TFEC: variants seen among roughly 807,000 people sequenced by gnomAD.
TFEC encodes class E basic helix-loop-helix protein 34.
A neutral mutation model predicts 41.6 loss-of-function variants in TFEC; 31 were observed. That is an observed-to-expected ratio of 0.74 (90% CI 0.56 to 1.01). The LOEUF (loss-of-function observed/expected upper bound fraction) is 1.01. TFEC is among the 50% of genes least tolerant of loss of function. The pLI is 0.00. For missense variants in TFEC, 402 were observed against 404.1 expected, an observed-to-expected ratio of 0.99 and a Z score of 0.04; for synonymous variants, 143 against 140.6, an observed-to-expected ratio of 1.02 and a Z score of -0.12.
chr7:115,996,713 G>A (rs1250307522), intron 1 of TFEC, among the ~76,000 whole-genome samples: 1 of 152,008 alleles, frequency 6.6e-6, no homozygotes, highest in Non-Finnish European at 1.5e-5. Flanking sequence ...GCACTAAAGG[G>A]AGAGTCCTGG....
intron 3 of TFEC, among the ~76,000 whole-genome samples, chr7:115,960,718 G>A (rs893825514): frequency 2.6e-5 from 4 of 151,488 alleles, no homozygotes; most frequent in East Asian, 1.9e-4. Flanking sequence ...GACTCCCTAG[G>A]TAAAGGATTG....
At chr7:116,113,104 T>C (rs1185059899) in intron 1 of TFEC, among the ~76,000 whole-genome samples, 1 of 151,970 alleles carries the variant, frequency 6.6e-6, no homozygotes, top group Non-Finnish European at 1.5e-5. Context: ...AATGTGTGCT[T>C]CCTCTTACTT....
intron 2 of TFEC, among the ~76,000 whole-genome samples, chr7:115,974,550 C>T (rs894596910): frequency 6.0e-5 from 9 of 148,810 alleles, no homozygotes; most frequent in Admixed American, 2.7e-4. Context: ...CAGGTGACAA[C>T]TTGACAAATC....
intron 3 of TFEC, among the ~76,000 whole-genome samples, chr7:115,973,875 G>A (rs1793247314): frequency 6.6e-6 from 1 of 151,918 alleles, no homozygotes; most frequent in East Asian, 1.9e-4. Flanking sequence ...GCTTAAAATA[G>A]AAAATCTAAA....
chr7:115,946,898 G>C (rs1029700755), intron 6 of TFEC, among the ~76,000 whole-genome samples: 1 of 151,082 alleles, frequency 6.6e-6, no homozygotes, highest in Non-Finnish European at 1.5e-5. Context: ...AGTATTTGGA[G>C]AAAAAAGTTC....
chr7:116,098,822 A>G (rs934670292), intron 3 of TFEC, among the ~76,000 whole-genome samples: 1 of 151,814 alleles, frequency 6.6e-6, no homozygotes, highest in African/African-American at 2.4e-5. Context: ...AAACCAGACA[A>G]AAACAAAAGC....
intron 1 of TFEC, among the ~76,000 whole-genome samples, chr7:116,148,064 A>G (rs945834394): frequency 8.5e-5 from 13 of 152,222 alleles, no homozygotes; most frequent in Admixed American, 7.9e-4. Context: ...AAGAGGATTC[A>G]TAAAGAAGGC....
chr7:116,116,893 A>C (rs1413142001), intron 1 of TFEC, among the ~76,000 whole-genome samples: 2 of 151,876 alleles, frequency 1.3e-5, no homozygotes, highest in Non-Finnish European at 2.9e-5. Context: ...TGGGAAAATC[A>C]CTCAATTTTA....
intron 1 of TFEC, among the ~76,000 whole-genome samples, chr7:115,995,240 A>G (rs1018305174): frequency 2.0e-5 from 3 of 151,698 alleles, no homozygotes; most frequent in Admixed American, 6.6e-5. Flanking sequence ...GATATACCTA[A>G]TGTAAATGAT....
chr7:116,063,057 T>C (rs1796606807), intron 3 of TFEC, among the ~76,000 whole-genome samples: 1 of 152,216 alleles, frequency 6.6e-6, no homozygotes, highest in Non-Finnish European at 1.5e-5. Flanking sequence ...TGCCCATCAG[T>C]AGATTTATCA....
At chr7:116,101,067 T>C (rs17138279) in intron 3 of TFEC, among the ~76,000 whole-genome samples, 1,605 of 152,200 alleles carry the variant, frequency 0.011, 25 homozygotes, top group African/African-American at 0.034. Context: ...CTCCAATTTA[T>C]TGAAACAAAG....
At chr7:116,135,827 G>A (rs1332489317) in intron 1 of TFEC, among the ~76,000 whole-genome samples, 1 of 152,032 alleles carries the variant, frequency 6.6e-6, no homozygotes, top group Non-Finnish European at 1.5e-5. Context: ...AGTATGAGGA[G>A]AATTTGCATT....
At chr7:115,967,165 T>C (rs898856614) in intron 3 of TFEC, among the ~76,000 whole-genome samples, 15 of 151,676 alleles carry the variant, frequency 9.9e-5, no homozygotes, top group African/African-American at 3.4e-4. Context: ...TATAGTCACA[T>C]ATTATATTTC....
chr7:116,136,803 A>C (rs1329177416), intron 1 of TFEC, among the ~76,000 whole-genome samples: 4 of 152,002 alleles, frequency 2.6e-5, no homozygotes, highest in African/African-American at 9.7e-5. Flanking sequence ...TGATGATATT[A>C]TCAGTATTTA....
In TFEC at chr7:116,097,435, G is replaced by A. The variant is rs76261389; in HGVS notation, c.198+13273C>T. 8.5e-3 allele frequency among the ~76,000 whole-genome samples: 1,296 copies of A among 152,202 alleles called. 21 individuals are homozygous for A. The highest frequency in any genetic ancestry group is 0.029 in the African/African-American group (1,214 of 41,508). On this transcript the variant is annotated intron_variant, in intron 3 of 8. Transcript: ENST00000484212. Reference sequence around the variant, plus strand: ...TAAAATAGAACAATTATAACAATATGCCAACATCAATATTCTTGCATTTTT... The same window carrying A: ...TAAAATAGAACAATTATAACAATATACCAACATCAATATTCTTGCATTTTT...
intron 3 of TFEC, among the ~76,000 whole-genome samples, chr7:116,096,589 GT>G (rs74375315): frequency 0.034 from 5,046 of 148,558 alleles, 126 homozygotes; most frequent in South Asian, 0.076. Context: ...CTTACTATGC[GT>G]TTTTTTTTTC....
chr7:116,106,417 C>T (rs183188801), intron 3 of TFEC, among the ~76,000 whole-genome samples: 1 of 152,202 alleles, frequency 6.6e-6, no homozygotes, highest in East Asian at 1.9e-4. Context: ...CAGAGTTTTG[C>T]TGTCACCCAA....
At chr7:116,150,022 CTATCT>C (rs1798727369) in intron 1 of TFEC, among the ~76,000 whole-genome samples, 1 of 151,884 alleles carries the variant, frequency 6.6e-6, no homozygotes, top group Non-Finnish European at 1.5e-5. Flanking sequence ...TTTCTCCTCC[CTATCT>C]TGTTTCCCCA....
chr7:116,071,895 T>C (rs1255669415), intron 3 of TFEC, among the ~76,000 whole-genome samples: 3 of 151,442 alleles, frequency 2.0e-5, no homozygotes, highest in African/African-American at 7.2e-5. Context: ...AAATATGTAG[T>C]ATTACTTAGT....
Sources: allele counts gnomAD v4.1 joint callset (sites outside exome capture counted in the v4.1 genomes callset), GRCh38; gene constraint gnomAD v4.1.1; transcripts MANE v1.5; gene names NCBI Gene and HGNC (gene_info 2026-07-23, HGNC 2026-07-21).